The following SH3PXD2B variants were observed in gnomAD, a reference collection of about 807,000 sequenced individuals.
The protein encoded by SH3PXD2B is SH3 and PX domain-containing protein 2B.
In SH3PXD2B, 37 loss-of-function variants were observed where a neutral mutation model predicts 73.1. The observed-to-expected ratio is 0.51, with a 90% CI of 0.39 to 0.67. The LOEUF (loss-of-function observed/expected upper bound fraction) is 0.67. Among genes scored for constraint, SH3PXD2B ranks in the 30% least tolerant of loss-of-function variants. SH3PXD2B has a pLI of 0.00. For synonymous variants in SH3PXD2B, 457 were observed against 480.5 expected (o/e 0.95, Z 0.64); for missense variants, 1,053 against 1,197.8 (o/e 0.88, Z 1.78).
chr5:172,411,968 C>G (rs1455000419), intron 2 of SH3PXD2B, among the ~76,000 whole-genome samples: 3 of 151,772 alleles, frequency 2.0e-5, no homozygotes, highest in Non-Finnish European at 2.9e-5. Flanking sequence ...TGACTCCCCC[C>G]TCTCCCTCCC....
At chr5:172,449,748 AAC>A (rs1412927721) in intron 1 of SH3PXD2B, among the ~76,000 whole-genome samples, 4 of 152,232 alleles carry the variant, frequency 2.6e-5, no homozygotes, top group Non-Finnish European at 2.9e-5. Flanking sequence ...GAGCAAAGGG[AAC>A]CCTGAGGATG....
intron 6 of SH3PXD2B, among the ~76,000 whole-genome samples, chr5:172,370,368 C>T (rs1282296555): frequency 7.2e-5 from 11 of 152,312 alleles, no homozygotes; most frequent in Non-Finnish European, 1.5e-4. Context: ...ATGCGCTGGG[C>T]GTTTCTGCAC....
rs1310579704 is a variant in SH3PXD2B at position 172,333,529 on chromosome 5, CT to C, written c.*4839del. The C allele has an allele frequency of 1.3e-5, 15 of 1,139,320 alleles. No individual in the cohort carries two copies. The highest frequency in any genetic ancestry group is 1.6e-5 in the Non-Finnish European group (15 of 925,962). The allele number at this position is 1,139,320 out of a possible 1,614,324, so 70.6% of individuals were successfully genotyped here. On this transcript the variant is annotated 3_prime_UTR_variant, in exon 13 of 13. Transcript: ENST00000311601. The stretch of plus-strand genomic sequence containing the variant: ...GATGAAGCTTGAAACCAGTCAAGCA[CT>C]TTTTTTATTTAAAAAAAAAAAAAGG...
At chr5:172,450,685 G>A (rs974644769) in intron 1 of SH3PXD2B, among the ~76,000 whole-genome samples, 7 of 151,982 alleles carry the variant, frequency 4.6e-5, no homozygotes, top group Non-Finnish European at 1.0e-4. Context: ...TAATGCTTCT[G>A]TACATCCCTC....
intron 1 of SH3PXD2B, among the ~76,000 whole-genome samples, chr5:172,439,271 AAAAACAAAACAAAAAAAAAACCCC>A (rs1759479944): frequency 2.8e-4 from 15 of 53,096 alleles, no homozygotes; most frequent in African/African-American, 3.2e-4. Flanking sequence ...AAACAAAAAC[AAAAACAAAACAAAAAAAAAACCCC>A]AAAAAAAAAC....
At chr5:172,422,317 G>A in intron 2 of SH3PXD2B, 99 bp downstream of exon 2, 1 of 1,169,776 alleles carries the variant, frequency 8.5e-7, no homozygotes, top group Non-Finnish European at 1.2e-6. Context: ...TTTAAGTCTG[G>A]GAAATTAAAA....
At chr5:172,422,348 G>T (rs1213793033) in intron 2 of SH3PXD2B, 68 bp downstream of exon 2, 2 of 1,379,496 alleles carry the variant, frequency 1.4e-6, no homozygotes, top group East Asian at 4.8e-5. Flanking sequence ...CTCTAAAGCT[G>T]TAGTGGAATG....
intron 1 of SH3PXD2B, among the ~76,000 whole-genome samples, chr5:172,426,508 C>T (rs1250895801): frequency 6.6e-6 from 1 of 152,236 alleles, no homozygotes; most frequent in Non-Finnish European, 1.5e-5. Flanking sequence ...GTGGTCATCC[C>T]ATGTTCCTGC....
At position 172,425,858 on chromosome 5, in the gene SH3PXD2B, C is replaced by T. The variant is rs184633008; in HGVS notation, c.76-3362G>A. Among the ~76,000 whole-genome samples, 294 of 152,192 alleles carry T rather than the reference C, an allele frequency of 1.9e-3. 1 individual carries two copies. Among genetic ancestry groups the T allele is most frequent in the Non-Finnish European group, 3.7e-4 (25 of 68,008 alleles). On this transcript the variant is annotated intron_variant, in intron 1 of 12. Transcript: ENST00000311601. ...CACTGACAGGAAGTTAGAGCTGGAG[C>T]GGACCAAAGAATGCAGCTCATTGAA...
At chr5:172,451,400 A>G (rs1759793977) in intron 1 of SH3PXD2B, among the ~76,000 whole-genome samples, 1 of 152,172 alleles carries the variant, frequency 6.6e-6, no homozygotes, top group Non-Finnish European at 1.5e-5. Flanking sequence ...GAGGACATGC[A>G]GCAATCAATG....
At chr5:172,424,252 T>C (rs947491334) in intron 1 of SH3PXD2B, among the ~76,000 whole-genome samples, 62 of 152,246 alleles carry the variant, frequency 4.1e-4, no homozygotes, top group African/African-American at 1.4e-3. Flanking sequence ...CCAGTCCAGG[T>C]TGATACCGGA....
At chr5:172,408,670 T>C (rs1296620859) in intron 2 of SH3PXD2B, among the ~76,000 whole-genome samples, 2 of 150,792 alleles carry the variant, frequency 1.3e-5, no homozygotes, top group African/African-American at 2.4e-5. Flanking sequence ...TCCCAAGTAG[T>C]TGGGATTACA....
chr5:172,360,048 G>A (rs776673539), intron 7 of SH3PXD2B, among the ~76,000 whole-genome samples: 5 of 152,148 alleles, frequency 3.3e-5, no homozygotes, highest in Admixed American at 6.5e-5. Flanking sequence ...GGGCCCTGTC[G>A]ATCCCTTGAT....
chr5:172,419,793 T>C (rs898212260), intron 2 of SH3PXD2B, among the ~76,000 whole-genome samples: 1 of 152,194 alleles, frequency 6.6e-6, no homozygotes, highest in African/African-American at 2.4e-5. Context: ...TCAGGTGTTA[T>C]TGTTCTGTAC....
intron 5 of SH3PXD2B, among the ~76,000 whole-genome samples, chr5:172,380,132 A>T (rs1208331296): frequency 6.6e-6 from 1 of 152,058 alleles, no homozygotes; most frequent in Non-Finnish European, 1.5e-5. Context: ...ATCACTGCTC[A>T]CTGCAGCCTC....
At chr5:172,384,571 G>T (rs1387293867) in intron 4 of SH3PXD2B, among the ~76,000 whole-genome samples, 1 of 152,030 alleles carries the variant, frequency 6.6e-6, no homozygotes, top group African/African-American at 2.4e-5. Context: ...AGGGATTGAT[G>T]ATTCCAGGTA....
intron 10 of SH3PXD2B, among the ~76,000 whole-genome samples, chr5:172,348,649 T>TC (rs1419218035): frequency 1.2e-3 from 55 of 45,258 alleles, no homozygotes; most frequent in Non-Finnish European, 1.6e-3. Context: ...TATCTATCTA[T>TC]CTATCCTATC....
chr5:172,354,486 T>C (rs761439834), intron 8 of SH3PXD2B, among the ~76,000 whole-genome samples: 6 of 152,230 alleles, frequency 3.9e-5, no homozygotes, highest in Non-Finnish European at 7.3e-5. Context: ...TCTTCAGCAC[T>C]GGGCATGGTG....
chr5:172,416,156 C>T (rs752161938), intron 2 of SH3PXD2B, among the ~76,000 whole-genome samples: 18 of 151,992 alleles, frequency 1.2e-4, no homozygotes, highest in African/African-American at 2.2e-4. Context: ...AGCAAGACTC[C>T]GTCTCTACAA....
Sources: allele counts gnomAD v4.1 joint callset (sites outside exome capture counted in the v4.1 genomes callset), GRCh38; gene constraint gnomAD v4.1.1; transcripts MANE v1.5; gene names NCBI Gene and HGNC (gene_info 2026-07-23, HGNC 2026-07-21).